NR2C2AP: variants seen among roughly 807,000 people sequenced by gnomAD.
NR2C2AP encodes the protein nuclear receptor 2C2-associated protein.
Under a neutral mutation model 19.1 loss-of-function variants are expected in NR2C2AP, and 13 were observed. The observed-to-expected ratio is 0.68, with a 90% CI of 0.44 to 1.08. The LOEUF (loss-of-function observed/expected upper bound fraction) is 1.08. NR2C2AP is among the 50% of genes least tolerant of loss of function. NR2C2AP has a pLI of 0.00. For synonymous variants in NR2C2AP, 81 were observed against 64.4 expected (o/e 1.26, Z -1.23); for missense variants, 181 against 172.7 (o/e 1.05, Z -0.27).
At chr19:19,202,428 G>T in intron 3 of NR2C2AP, 30 bp from the exon 4 acceptor site, 1 of 1,613,862 alleles carries the variant, frequency 6.2e-7, no homozygotes, top group South Asian at 1.1e-5. Flanking sequence ...TGAGTGTCTG[G>T]GGTGACCCCT....
Position 19,203,304 on chromosome 19 carries a change from G to C in NR2C2AP, c.-244C>G. 1 of 582,376 alleles carries C rather than the reference G, an allele frequency of 1.7e-6. No individual in the cohort carries two copies. Among genetic ancestry groups the C allele is most frequent in the East Asian group, 2.8e-5 (1 of 35,276 alleles). 36.1% of individuals were successfully genotyped at this position (582,376 alleles called of 1,614,324 possible). A position where few individuals can be genotyped will look rare whatever the true frequency, so the allele number is the denominator to read the frequency against. Reference sequence around the variant, plus strand: ...GGAAACCGCCAATGCCCGGAGGCCAGGCCTTTCACAGGAAACAGATTTCCC... The same window carrying C: ...GGAAACCGCCAATGCCCGGAGGCCACGCCTTTCACAGGAAACAGATTTCCC... On this transcript the variant is annotated 5_prime_UTR_variant, in exon 1 of 5. Transcript: ENST00000331552.
chr19:19,202,409 G>C lies in NR2C2AP; in HGVS notation c.236-11C>G. On this transcript the variant is annotated splice_polypyrimidine_tract_variant and intron_variant, in intron 3 of 4. Coordinates refer to ENST00000331552, the MANE Select transcript of NR2C2AP (RefSeq NM_176880.6). ...GAGTGCCCTGTGAACCTTCAGCAGA[G>C]AAAGGCAATGAGTGTCTGGGGTGAC... 1 of 1,614,072 alleles carries C rather than the reference G, an allele frequency of 6.2e-7. No individual in the cohort carries two copies. Among genetic ancestry groups the C allele is most frequent in the Non-Finnish European group, 8.5e-7 (1 of 1,179,964 alleles).
At position 19,203,104 on chromosome 19, in the gene NR2C2AP, C is replaced by G. The variant is rs2060742867; in HGVS notation, c.-44G>C. 6.2e-7 allele frequency: 1 copy of G among 1,610,394 alleles called. No homozygotes were observed. The highest frequency in any genetic ancestry group is 1.7e-4 in the Middle Eastern group (1 of 6,028). The stretch of plus-strand genomic sequence containing the variant: ...CGCAGGGCTTAGGATTGGGCACAGC[C>G]TTGGTTCGAATCCCGGCGCCTCCTC... On this transcript the variant is annotated 5_prime_UTR_variant, in exon 1 of 5. Coordinates refer to ENST00000331552, the MANE Select transcript of NR2C2AP (RefSeq NM_176880.6).
chr19:19,201,632 T>TC lies in NR2C2AP; in HGVS notation c.*292dup. On this transcript the variant is annotated 3_prime_UTR_variant, in exon 5 of 5. Coordinates refer to ENST00000331552, the MANE Select transcript of NR2C2AP (RefSeq NM_176880.6). ...CGATTCAAGCTCACAGCCCACCTTT[T>TC]CCCTGCCCCATCTCAGTGCAACAGG... is the stretch of plus-strand genomic sequence containing the variant. 1 of 1,614,022 alleles carries TC rather than the reference T, an allele frequency of 6.2e-7. No homozygotes were observed. Among genetic ancestry groups the TC allele is most frequent in the Non-Finnish European group, 8.5e-7 (1 of 1,180,038 alleles).
chr19:19,202,298 A>G, intron 4 of NR2C2AP, 33 bp downstream of exon 4: 3 of 1,606,882 alleles, frequency 1.9e-6, no homozygotes, highest in South Asian at 2.2e-5. Flanking sequence ...CCAGAGGCAC[A>G]GACCACCCAC....
chr19:19,201,552 C>A lies in NR2C2AP; in HGVS notation c.*373G>T. 2 of 1,606,748 alleles carry A rather than the reference C, an allele frequency of 1.2e-6. No individual in the cohort carries two copies. The highest frequency in any genetic ancestry group is 1.7e-6 in the Non-Finnish European group (2 of 1,179,860). On this transcript the variant is annotated 3_prime_UTR_variant, in exon 5 of 5. Transcript: ENST00000331552. Reference sequence around the variant, plus strand: ...TGTAATGCAGGTCTCTGCAAGGGTCCCTGTTTGTCCCCTAAGGGGAGAGCG... The same window carrying A: ...TGTAATGCAGGTCTCTGCAAGGGTCACTGTTTGTCCCCTAAGGGGAGAGCG...
Position 19,201,751 on chromosome 19 carries a change from G to C in NR2C2AP, c.*174C>G. 6.2e-7 allele frequency: 1 copy of C among 1,613,636 alleles called. No individual in the cohort carries two copies. The highest frequency in any genetic ancestry group is 8.5e-7 in the Non-Finnish European group (1 of 1,179,920). ...CCTGCCGGGGACTCAGACACTCAGG[G>C]AACAAAATGGTCAGCCAGAGCTGGG... On this transcript the variant is annotated 3_prime_UTR_variant, in exon 5 of 5. Coordinates refer to ENST00000331552, the MANE Select transcript of NR2C2AP (RefSeq NM_176880.6).
Position 19,203,271 on chromosome 19 carries a change from A to G in NR2C2AP, c.-211T>C. 1.6e-6 allele frequency: 1 copy of G among 610,998 alleles called. No individual in the cohort carries two copies. The highest frequency in any genetic ancestry group is 1.9e-5 in the South Asian group (1 of 52,386). 37.8% of individuals were successfully genotyped at this position (610,998 alleles called of 1,614,324 possible). ...TCCCCTGCCGGAAAATTTGGGAGAG[A>G]GGATCAGGGAAACCGCCAATGCCCG... On this transcript the variant is annotated 5_prime_UTR_variant, in exon 1 of 5. Transcript: ENST00000331552.
intron 2 of NR2C2AP, 30 bp downstream of exon 2, chr19:19,202,761 A>G (rs750676736): frequency 6.4e-7 from 1 of 1,568,906 alleles, no homozygotes; most frequent in African/African-American, 1.3e-5. Context: ...GAATCACCCT[A>G]GAGATGGAGG....
Position 19,202,892 on chromosome 19 carries a change from C to T in NR2C2AP, c.39-11G>A. The T allele has an allele frequency of 6.2e-7, 1 of 1,613,254 alleles. No individual in the cohort carries two copies. Among genetic ancestry groups the T allele is most frequent in the South Asian group, 1.1e-5 (1 of 91,068 alleles). Reference sequence around the variant, plus strand: ...AGCACTGAACTCACCCTGGAGGCACCAGGATCAAGGCGAAGAGAGGGGCTG... The same window carrying T: ...AGCACTGAACTCACCCTGGAGGCACTAGGATCAAGGCGAAGAGAGGGGCTG... On this transcript the variant is annotated splice_polypyrimidine_tract_variant and intron_variant, in intron 1 of 4. Coordinates refer to ENST00000331552, the MANE Select transcript of NR2C2AP (RefSeq NM_176880.6).
In NR2C2AP at chr19:19,201,739, C is replaced by CT; in HGVS notation, c.*185_*186insA. 1 of 1,613,788 alleles carries CT rather than the reference C, an allele frequency of 6.2e-7. No homozygotes were observed. Among genetic ancestry groups the CT allele is most frequent in the Non-Finnish European group, 8.5e-7 (1 of 1,179,934 alleles). ...GAGTGAAGGCCGCCTGCCGGGGACT[C>CT]AGACACTCAGGGAACAAAATGGTCA... is the stretch of plus-strand genomic sequence containing the variant. On this transcript the variant is annotated 3_prime_UTR_variant, in exon 5 of 5. Coordinates refer to ENST00000331552, the MANE Select transcript of NR2C2AP (RefSeq NM_176880.6).
chr19:19,202,889 C>T lies in NR2C2AP; in HGVS notation c.39-8G>A. 1 of 1,613,434 alleles carries T rather than the reference C, an allele frequency of 6.2e-7. No individual in the cohort carries two copies. Among genetic ancestry groups the T allele is most frequent in the South Asian group, 1.1e-5 (1 of 91,070 alleles). Reference sequence around the variant, plus strand: ...TTCAGCACTGAACTCACCCTGGAGGCACCAGGATCAAGGCGAAGAGAGGGG... The same window carrying T: ...TTCAGCACTGAACTCACCCTGGAGGTACCAGGATCAAGGCGAAGAGAGGGG... On this transcript the variant is annotated splice_polypyrimidine_tract_variant and splice_region_variant and intron_variant, in intron 1 of 4. Coordinates refer to ENST00000331552, the MANE Select transcript of NR2C2AP (RefSeq NM_176880.6).
chr19:19,202,254 G>T (rs747127233), intron 4 of NR2C2AP, 77 bp downstream of exon 4: 2 of 1,409,746 alleles, frequency 1.4e-6, no homozygotes, highest in South Asian at 1.1e-5. Context: ...CACACATCAG[G>T]GTTCCCATTC....
Position 19,201,846 on chromosome 19 carries a change from C to T in NR2C2AP, c.*79G>A. 1 of 1,611,722 alleles carries T rather than the reference C, an allele frequency of 6.2e-7. No individual in the cohort carries two copies. The highest frequency in any genetic ancestry group is 2.2e-5 in the East Asian group (1 of 44,832). ...GGAGGGGACCCTTCCCAAGAGGAACCAATAAACCTTCTGTGCAGAATGAGG... is the reference window on the plus strand; with the variant it reads ...GGAGGGGACCCTTCCCAAGAGGAACTAATAAACCTTCTGTGCAGAATGAGG... On this transcript the variant is annotated 3_prime_UTR_variant, in exon 5 of 5. Transcript: ENST00000331552.
Position 19,201,852 on chromosome 19 carries a change from A to G in NR2C2AP, c.*73T>C. The stretch of plus-strand genomic sequence containing the variant: ...GACCCTTCCCAAGAGGAACCAATAA[A>G]CCTTCTGTGCAGAATGAGGGACTTT... On this transcript the variant is annotated 3_prime_UTR_variant, in exon 5 of 5. Transcript: ENST00000331552. 1 of 1,611,804 alleles carries G rather than the reference A, an allele frequency of 6.2e-7. No homozygotes were observed. Among genetic ancestry groups the G allele is most frequent in the Non-Finnish European group, 8.5e-7 (1 of 1,178,760 alleles).
chr19:19,202,515 T>C lies in NR2C2AP; in HGVS notation c.190A>G (p.Ile64Val), dbSNP rs553534120. ...CTGGAGAAGCCACCCTGAAACTGGA[T>C]CTGCAGCTGGGAGACACGGATGAGC... is the stretch of plus-strand genomic sequence containing the variant. ...PQLIRVSQLQ[I>V]QFQGGFSSRR... The change falls in exon 3 of 5, where the codon ATC becomes GTC. Residue 64 changes from isoleucine to valine, a missense_variant. Transcript: ENST00000331552. 5 of 1,613,892 alleles carry C rather than the reference T, an allele frequency of 3.1e-6. No homozygotes were observed. The South Asian group carries it at 4.4e-5, about 14-fold the overall frequency.
chr19:19,202,769 A>C lies in NR2C2AP; in HGVS notation c.129+22T>G, dbSNP rs780049407. On this transcript the variant is annotated intron_variant, in intron 2 of 4. Transcript: ENST00000331552. ...TGAATCTGAATCACCCTAGAGATGGAGGGTCGAGGGAGGCGCCTCACCTGG... is the reference window on the plus strand; with the variant it reads ...TGAATCTGAATCACCCTAGAGATGGCGGGTCGAGGGAGGCGCCTCACCTGG... 3.8e-6 allele frequency: 6 copies of C among 1,599,276 alleles called. No individual in the cohort carries two copies. The South Asian group carries it at 5.5e-5, about 15-fold the overall frequency.
chr19:19,201,641 C>G lies in NR2C2AP; in HGVS notation c.*284G>C, dbSNP rs752799290. The G allele has an allele frequency of 1.4e-5, 23 of 1,613,996 alleles. No homozygotes were observed. Among genetic ancestry groups the G allele is most frequent in the Non-Finnish European group, 1.9e-5 (23 of 1,180,044 alleles). On this transcript the variant is annotated 3_prime_UTR_variant, in exon 5 of 5. Coordinates refer to ENST00000331552, the MANE Select transcript of NR2C2AP (RefSeq NM_176880.6). ...CTCACAGCCCACCTTTTCCCTGCCC[C>G]ATCTCAGTGCAACAGGTGATCGAGA...
Position 19,203,091 on chromosome 19 carries a change from G to T in NR2C2AP, c.-31C>A, listed in dbSNP as rs943578436. 3 of 1,613,266 alleles carry T rather than the reference G, an allele frequency of 1.9e-6. No homozygotes were observed. The African/African-American group carries it at 4.0e-5, about 22-fold the overall frequency. The stretch of plus-strand genomic sequence containing the variant: ...TTCCACAAGACCTCGCAGGGCTTAG[G>T]ATTGGGCACAGCCTTGGTTCGAATC... On this transcript the variant is annotated 5_prime_UTR_variant, in exon 1 of 5. Coordinates refer to ENST00000331552, the MANE Select transcript of NR2C2AP (RefSeq NM_176880.6).
Sources: gnomAD v4.1 joint callset for allele counts on GRCh38, gnomAD v4.1.1 for gene constraint, MANE v1.5 for transcripts, NCBI Gene and HGNC (gene_info 2026-07-23, HGNC 2026-07-21) for gene names.